Variants in CTNND2 observed in about 807,000 individuals in gnomAD.
The protein encoded by CTNND2 is catenin delta 2, also known as catenin delta-2.
CTNND2 carries 22 observed loss-of-function variants against 144.4 expected under a neutral mutation model. The ratio of observed to expected loss-of-function variants is 0.15; its 90% confidence interval spans 0.11 to 0.22. The LOEUF (loss-of-function observed/expected upper bound fraction) is 0.22, where lower values mean the gene tolerates loss of function less well. CTNND2 is among the 10% of genes least tolerant of loss of function. The pLI, the probability that CTNND2 is intolerant of heterozygous loss-of-function variation, is 1.00. For missense variants in CTNND2, 1,353 were observed against 1,618.8 expected, an observed-to-expected ratio of 0.84 and a Z score of 2.82; for synonymous variants, 751 against 695.6, an observed-to-expected ratio of 1.08 and a Z score of -1.25.
intron 2 of CTNND2, among the ~76,000 whole-genome samples, chr5:11,647,800 C>T (rs979940827): frequency 2.0e-5 from 3 of 152,086 alleles, no homozygotes; most frequent in Admixed American, 6.5e-5. Context: ...GCTTTCCTAA[C>T]GATACCTCCA....
intron 16 of CTNND2, among the ~76,000 whole-genome samples, chr5:11,061,400 T>C (rs1325436518): frequency 6.6e-6 from 1 of 152,224 alleles, no homozygotes; most frequent in Non-Finnish European, 1.5e-5. Flanking sequence ...AACTTCCTTA[T>C]CCAGGCTGAA....
At position 11,187,812 on chromosome 5, in the gene CTNND2, C is replaced by T. The variant is rs190379885; in HGVS notation, c.1975+11636G>A. Among the ~76,000 whole-genome samples the T allele has an allele frequency of 2.4e-4, 36 of 152,260 alleles. No individual in the cohort carries two copies. The East Asian group carries it at 5.2e-3, about 22-fold the overall frequency. On this transcript the variant is annotated intron_variant, in intron 11 of 21. Transcript: ENST00000304623. Reference sequence around the variant, plus strand: ...GCAAAGTACATGAACAGACACTTCTCAAAAGAAGACATTCATGCAGCCAAC... The same window carrying T: ...GCAAAGTACATGAACAGACACTTCTTAAAAGAAGACATTCATGCAGCCAAC...
intron 3 of CTNND2, among the ~76,000 whole-genome samples, chr5:11,456,826 T>A (rs1022331035): frequency 6.6e-6 from 1 of 152,328 alleles, no homozygotes; most frequent in Admixed American, 6.5e-5. Context: ...CTTATTTTTC[T>A]ACATAAAGTG....
intron 9 of CTNND2, among the ~76,000 whole-genome samples, chr5:11,295,292 T>C (rs182933976): frequency 2.0e-5 from 3 of 152,262 alleles, no homozygotes; most frequent in Admixed American, 2.0e-4. Context: ...GAAGGACCTC[T>C]TCAAGGAGAA....
intron 2 of CTNND2, among the ~76,000 whole-genome samples, chr5:11,700,055 C>A (rs1424818163): frequency 6.6e-6 from 1 of 152,068 alleles, no homozygotes; most frequent in Non-Finnish European, 1.5e-5. Flanking sequence ...TTGTGTTTAA[C>A]ATATCAATAT....
At chr5:11,423,951 G>A (rs560673964) in intron 3 of CTNND2, among the ~76,000 whole-genome samples, 24 of 152,010 alleles carry the variant, frequency 1.6e-4, no homozygotes, top group African/African-American at 3.4e-4. Context: ...CAATCTTAGC[G>A]CCTTTATACA....
At chr5:11,564,761 TCAAATA>T (rs1776941967) in intron 3 of CTNND2, among the ~76,000 whole-genome samples, 177 bp downstream of exon 3, 1 of 152,252 alleles carries the variant, frequency 6.6e-6, no homozygotes, top group South Asian at 2.1e-4. Flanking sequence ...TAAAAGAGTT[TCAAATA>T]CAAATCAGGA....
At chr5:11,474,946 T>C (rs1001131850) in intron 3 of CTNND2, among the ~76,000 whole-genome samples, 6 of 152,206 alleles carry the variant, frequency 3.9e-5, no homozygotes, top group Non-Finnish European at 7.3e-5. Flanking sequence ...TGACATGTCA[T>C]GGCCACCCGT....
chr5:11,741,631 A>G (rs1788014468), intron 1 of CTNND2, among the ~76,000 whole-genome samples: 1 of 151,890 alleles, frequency 6.6e-6, no homozygotes, highest in South Asian at 2.1e-4. Context: ...TGTCGAGTTG[A>G]TGGGTGTAGC....
intron 1 of CTNND2, among the ~76,000 whole-genome samples, chr5:11,898,957 GT>G (rs1180203620): frequency 1.3e-5 from 2 of 152,106 alleles, no homozygotes; most frequent in Non-Finnish European, 2.9e-5. Context: ...GCCCCTCTGG[GT>G]TTGATCATCC....
intron 9 of CTNND2, among the ~76,000 whole-genome samples, chr5:11,301,552 G>C (rs1409123968): frequency 2.0e-5 from 3 of 152,080 alleles, no homozygotes; most frequent in Admixed American, 6.5e-5. Flanking sequence ...AATCTTTCTT[G>C]TTGTTTCTCT....
chr5:11,729,198 A>C (rs1787192262), intron 2 of CTNND2, among the ~76,000 whole-genome samples: 1 of 151,990 alleles, frequency 6.6e-6, no homozygotes. Flanking sequence ...ACCAAAAAAA[A>C]AAAAAGTCAT....
At chr5:11,147,102 G>A (rs1757313523) in intron 12 of CTNND2, among the ~76,000 whole-genome samples, 2 of 152,180 alleles carry the variant, frequency 1.3e-5, no homozygotes, top group Non-Finnish European at 1.5e-5. Context: ...GATCTACAAG[G>A]TGCCAGATGT....
intron 16 of CTNND2, among the ~76,000 whole-genome samples, chr5:11,062,494 C>G (rs144014152): frequency 2.0e-5 from 3 of 152,208 alleles, no homozygotes; most frequent in Non-Finnish European, 4.4e-5. Context: ...TTTCTCTTTA[C>G]GTGAGCTCCC....
chr5:11,074,248 A>G (rs1748669926), intron 16 of CTNND2, among the ~76,000 whole-genome samples: 2 of 152,210 alleles, frequency 1.3e-5, no homozygotes, highest in East Asian at 1.9e-4. Flanking sequence ...TTAGCATGAG[A>G]CGCAAAAATA....
At chr5:11,525,400 T>TAA (rs542232955) in intron 3 of CTNND2, among the ~76,000 whole-genome samples, 1 of 149,224 alleles carries the variant, frequency 6.7e-6, no homozygotes, top group Non-Finnish European at 1.5e-5. Flanking sequence ...ATTTTCAAAT[T>TAA]AAAAAAAAAA....
chr5:10,981,146 C>CA (rs1312380027), intron 21 of CTNND2, among the ~76,000 whole-genome samples: 2 of 152,176 alleles, frequency 1.3e-5, no homozygotes, highest in Non-Finnish European at 2.9e-5. Flanking sequence ...AACTGTGCTG[C>CA]AGAAAATCTT....
intron 12 of CTNND2, among the ~76,000 whole-genome samples, chr5:11,154,244 A>T (rs1758012134): frequency 6.6e-6 from 1 of 152,208 alleles, no homozygotes. Flanking sequence ...AGCTAGTTCA[A>T]TGTCGGGAGG....
At chr5:11,120,226 G>C (rs1561334687) in intron 12 of CTNND2, among the ~76,000 whole-genome samples, 2 of 152,020 alleles carry the variant, frequency 1.3e-5, no homozygotes, top group South Asian at 4.1e-4. Context: ...CAGCACCTAT[G>C]ATATAGACTT....
Sources: allele counts gnomAD v4.1 joint callset (sites outside exome capture counted in the v4.1 genomes callset), GRCh38; gene constraint gnomAD v4.1.1; transcripts MANE v1.5; gene names NCBI Gene and HGNC (gene_info 2026-07-23, HGNC 2026-07-21).